Variants in PTPRK observed in about 807,000 individuals in gnomAD.
PTPRK encodes the protein receptor-type tyrosine-protein phosphatase kappa.
PTPRK carries 75 observed loss-of-function variants against 178.0 expected under a neutral mutation model. That is an observed-to-expected ratio of 0.42 (90% confidence interval 0.35 to 0.51). The LOEUF (loss-of-function observed/expected upper bound fraction) is 0.51. Among genes scored for constraint, PTPRK ranks in the 20% least tolerant of loss-of-function variants. The pLI is 0.02. For missense variants in PTPRK, 1,441 were observed against 1,797.8 expected, an observed-to-expected ratio of 0.80 and a Z score of 3.59; for synonymous variants, 637 against 620.6, an observed-to-expected ratio of 1.03 and a Z score of -0.39.
At chr6:128,230,544 A>C (rs911498608) in intron 5 of PTPRK, among the ~76,000 whole-genome samples, 9 of 152,128 alleles carry the variant, frequency 5.9e-5, no homozygotes, top group African/African-American at 2.2e-4. Context: ...TTGAGTCACA[A>C]TAGTTTTTAT....
chr6:128,186,246 GATAA>G (rs1164843250), intron 6 of PTPRK, among the ~76,000 whole-genome samples: 2 of 152,026 alleles, frequency 1.3e-5, no homozygotes, highest in African/African-American at 4.8e-5. Context: ...AAAGAAGACT[GATAA>G]ATAATGAATG....
intron 3 of PTPRK, among the ~76,000 whole-genome samples, chr6:128,251,971 C>T (rs1816537677): frequency 6.6e-6 from 1 of 152,162 alleles, no homozygotes; most frequent in South Asian, 2.1e-4. Flanking sequence ...AGAGCATCCA[C>T]CAACTGCAGG....
At chr6:128,446,451 A>C (rs1847041344) in intron 1 of PTPRK, among the ~76,000 whole-genome samples, 1 of 152,228 alleles carries the variant, frequency 6.6e-6, no homozygotes, top group Non-Finnish European at 1.5e-5. Flanking sequence ...TCACTCTGTC[A>C]TTCTCACTTC....
At chr6:128,268,707 C>T (rs1334650690) in intron 3 of PTPRK, among the ~76,000 whole-genome samples, 1 of 151,992 alleles carries the variant, frequency 6.6e-6, no homozygotes, top group Admixed American at 6.6e-5. Flanking sequence ...AATTACTGTA[C>T]AGTCACCTGA....
intron 2 of PTPRK, among the ~76,000 whole-genome samples, chr6:128,396,316 T>C (rs1271485955): frequency 2.0e-5 from 3 of 148,612 alleles, no homozygotes; most frequent in Admixed American, 6.7e-5. Flanking sequence ...TTATATTATA[T>C]ATTATAATAG....
intron 6 of PTPRK, among the ~76,000 whole-genome samples, chr6:128,216,182 T>C (rs1044013073): frequency 1.3e-5 from 2 of 152,178 alleles, no homozygotes; most frequent in South Asian, 2.1e-4. Flanking sequence ...TGCCATCATC[T>C]TTCAACTCAA....
At chr6:128,055,994 T>TC (rs1779831119) in intron 13 of PTPRK, among the ~76,000 whole-genome samples, 1 of 145,534 alleles carries the variant, frequency 6.9e-6, no homozygotes, top group Non-Finnish European at 1.5e-5. Flanking sequence ...TCTTTTCTTT[T>TC]TTTTTTTTTT....
chr6:127,983,941 A>T (rs1359272679), intron 22 of PTPRK, among the ~76,000 whole-genome samples: 2 of 138,266 alleles, frequency 1.4e-5, no homozygotes, highest in Non-Finnish European at 3.2e-5. Flanking sequence ...ATCAAAGGGG[A>T]GGAGAGTAAC....
intron 1 of PTPRK, among the ~76,000 whole-genome samples, chr6:128,449,480 A>G (rs1847474604): frequency 6.6e-6 from 1 of 152,138 alleles, no homozygotes; most frequent in Admixed American, 6.5e-5. Context: ...TCATTCTTCA[A>G]TGTTGCTTTT....
intron 1 of PTPRK, among the ~76,000 whole-genome samples, chr6:128,504,763 C>T (rs1856079768): frequency 6.6e-6 from 1 of 152,162 alleles, no homozygotes; most frequent in Admixed American, 6.5e-5. Context: ...CTGAATCACA[C>T]TGGTTAAAAT....
Position 128,285,042 on chromosome 6 carries a change from T to C in PTPRK, c.495+36997A>G, listed in dbSNP as rs187979133. On this transcript the variant is annotated intron_variant, in intron 3 of 29. Transcript: ENST00000368226. ...AGACCTTATTATTTCTCAGTTTACA[T>C]ACCAATACTCTCCTATACATACACA... 1.7e-3 allele frequency among the ~76,000 whole-genome samples: 254 copies of C among 152,338 alleles called. 2 individuals carry two copies. The highest frequency in any genetic ancestry group is 5.5e-3 in the African/African-American group (229 of 41,578).
At position 127,970,139 on chromosome 6, in the gene PTPRK, T is replaced by C. The variant is rs533365572; in HGVS notation, c.*88A>G. ...TCTCCCACCCCCCACATTAAAATCT[T>C]TCTGCACAAGTGTAACAGGTACAAC... On this transcript the variant is annotated 3_prime_UTR_variant, in exon 30 of 30. Transcript: ENST00000368226. 2 of 1,053,498 alleles carry C rather than the reference T, an allele frequency of 1.9e-6. No homozygotes were observed. Among genetic ancestry groups the C allele is most frequent in the Admixed American group, 2.4e-5 (1 of 40,858 alleles). The allele number at this position is 1,053,498 out of a possible 1,614,324, so 65.3% of individuals were successfully genotyped here.
intron 13 of PTPRK, among the ~76,000 whole-genome samples, chr6:128,053,408 G>C (rs770873764): frequency 6.6e-6 from 1 of 151,882 alleles, no homozygotes; most frequent in South Asian, 2.1e-4. Context: ...ACCCTCTTGC[G>C]TGGACACCCT....
intron 1 of PTPRK, among the ~76,000 whole-genome samples, chr6:128,456,654 A>G (rs1848432373): frequency 6.6e-6 from 1 of 152,114 alleles, no homozygotes; most frequent in South Asian, 2.1e-4. Context: ...AGTACCATAT[A>G]CTTTATTTAT....
At chr6:128,003,493 G>GA (rs534422908) in intron 15 of PTPRK, among the ~76,000 whole-genome samples, 45 of 148,844 alleles carry the variant, frequency 3.0e-4, no homozygotes, top group Admixed American at 5.3e-4. Context: ...AAAAATTAAA[G>GA]AAAAAAAAAC....
chr6:128,465,709 T>C (rs1026787377), intron 1 of PTPRK, among the ~76,000 whole-genome samples: 2 of 152,284 alleles, frequency 1.3e-5, no homozygotes, highest in South Asian at 2.1e-4. Flanking sequence ...TTATTTGCTA[T>C]TGAATGACAA....
intron 2 of PTPRK, among the ~76,000 whole-genome samples, chr6:128,337,698 C>A (rs1415928223): frequency 6.6e-6 from 1 of 152,132 alleles, no homozygotes; most frequent in Non-Finnish European, 1.5e-5. Flanking sequence ...CAGCATCACA[C>A]GAGTAATCAA....
intron 3 of PTPRK, among the ~76,000 whole-genome samples, chr6:128,254,230 T>G (rs1053836072): frequency 6.6e-6 from 1 of 152,126 alleles, no homozygotes; most frequent in African/African-American, 2.4e-5. Context: ...TTATTTTCTG[T>G]TTTATTTTAC....
chr6:128,083,897 G>T, intron 8 of PTPRK, 73 bp from the exon 9 acceptor site: 1 of 682,468 alleles, frequency 1.5e-6, no homozygotes, highest in Non-Finnish European at 2.3e-6. Context: ...AGATAAGCTA[G>T]ATAAACAGGA....
Sources: allele counts gnomAD v4.1 joint callset (sites outside exome capture counted in the v4.1 genomes callset), GRCh38; gene constraint gnomAD v4.1.1; transcripts MANE v1.5; gene names NCBI Gene and HGNC (gene_info 2026-07-23, HGNC 2026-07-21).